PAICS: variants seen among roughly 807,000 people sequenced by gnomAD.
The protein encoded by PAICS is phosphoribosylaminoimidazole carboxylase and phosphoribosylaminoimidazolesuccinocarboxamide synthase, also known as bifunctional phosphoribosylaminoimidazole carboxylase/phosphoribosylaminoimidazole succinocarboxamide synthetase.
PAICS carries 33 observed loss-of-function variants against 53.7 expected under a neutral mutation model. The observed-to-expected ratio is 0.61, with a 90% CI of 0.47 to 0.82. The LOEUF (loss-of-function observed/expected upper bound fraction) is 0.82. PAICS is among the 40% of genes least tolerant of loss of function. The probability of loss-of-function intolerance (pLI) is 0.00; values close to 1 mark genes in which losing one functional copy is unlikely to be tolerated. For missense variants in PAICS, 394 were observed against 494.1 expected, an observed-to-expected ratio of 0.80 and a Z score of 1.92; for synonymous variants, 141 against 167.2, an observed-to-expected ratio of 0.84 and a Z score of 1.21.
chr4:56,417,342 T>C, the PAICS span, among the ~76,000 whole-genome samples: 1 of 151,856 alleles, frequency 6.6e-6, no homozygotes, highest in Non-Finnish European at 1.5e-5. Flanking sequence ...AAATACACCA[T>C]AAAATATCTC....
chr4:56,417,579 G>A, the PAICS span, among the ~76,000 whole-genome samples: 2 of 152,038 alleles, frequency 1.3e-5, no homozygotes, highest in African/African-American at 2.4e-5. Context: ...CCAGGAGTTC[G>A]AGACTAGCCT....
chr4:56,453,286 G>A (rs1578158490), intron 7 of PAICS, among the ~76,000 whole-genome samples: 1 of 151,962 alleles, frequency 6.6e-6, no homozygotes, highest in Non-Finnish European at 1.5e-5. Context: ...CTTCACTTTG[G>A]CCAGCCTATA....
rs1260139281 is a variant in PAICS, at chr4:56,446,677, T to G, written c.215-18T>G. ...TATCATTTCAATACCTTTTTTAACTTTGGTTATCAATATGTAGGTATTAAA... is the reference window on the plus strand; with the variant it reads ...TATCATTTCAATACCTTTTTTAACTGTGGTTATCAATATGTAGGTATTAAA... On this transcript the variant is annotated intron_variant, in intron 2 of 8. Coordinates refer to ENST00000512576, the MANE Select transcript of PAICS (RefSeq NM_001079524.2). 5 of 1,508,096 alleles carry G rather than the reference T, an allele frequency of 3.3e-6. No homozygotes were observed. The Admixed American group carries it at 7.9e-5, about 24-fold the overall frequency. 93.4% of individuals were successfully genotyped at this position (1,508,096 alleles called of 1,614,324 possible).
At chr4:56,446,377 CGTAA>C (rs1560660037) in intron 2 of PAICS, 2 of 717,840 alleles carry the variant, frequency 2.8e-6, no homozygotes, top group Admixed American at 2.0e-5. Flanking sequence ...TAAGTCAAAT[CGTAA>C]GTATTTGTTC....
At chr4:56,452,185 T>C in intron 7 of PAICS, 133 bp downstream of exon 7, 1 of 615,840 alleles carries the variant, frequency 1.6e-6, no homozygotes, top group Non-Finnish European at 2.8e-6. Flanking sequence ...ATACTAGGCT[T>C]TCTTTTTTTT....
chr4:56,448,983 T>C (rs1718762700), intron 5 of PAICS, among the ~76,000 whole-genome samples, 160 bp downstream of exon 5: 1 of 152,184 alleles, frequency 6.6e-6, no homozygotes. Context: ...GGTATCCTAA[T>C]AGAAGAATAA....
the PAICS span, chr4:56,419,976 C>T: frequency 1.3e-4 from 125 of 984,976 alleles, no homozygotes; most frequent in South Asian, 3.4e-3. Flanking sequence ...AGAAAAATCA[C>T]GAGACCAGGA....
the PAICS span, chr4:56,410,692 C>A: frequency 1.0e-6 from 1 of 985,940 alleles, no homozygotes; most frequent in African/African-American, 1.7e-5. Flanking sequence ...GGAAACAGTG[C>A]TGGGCTAAGT....
chr4:56,437,455 A>T (rs1327726428), intron 1 of PAICS, among the ~76,000 whole-genome samples: 1 of 152,126 alleles, frequency 6.6e-6, no homozygotes, highest in Non-Finnish European at 1.5e-5. Flanking sequence ...ATGTATAGTG[A>T]GGCAAATTGC....
chr4:56,419,079 G>A, the PAICS span, among the ~76,000 whole-genome samples: 1 of 152,208 alleles, frequency 6.6e-6, no homozygotes, highest in Non-Finnish European at 1.5e-5. Context: ...CTACACATTA[G>A]ATTCACAGTC....
intron 5 of PAICS, 30 bp downstream of exon 5, chr4:56,448,853 T>G (rs1578154170): frequency 8.5e-7 from 1 of 1,177,632 alleles, no homozygotes; most frequent in South Asian, 1.3e-5. Context: ...TTTTTATCCT[T>G]TTTGAGATCA....
At position 56,451,817 on chromosome 4, in the gene PAICS, C is replaced by T. The variant is rs184184471; in HGVS notation, c.772-55C>T. On this transcript the variant is annotated intron_variant, in intron 6 of 8. Transcript: ENST00000512576. ...TATAATTTTACTACAAACTCTAGCT[C>T]ATTTATTCATTTTTGTTTTTATGTT... 4.7e-4 allele frequency: 518 copies of T among 1,099,374 alleles called. 7 individuals are homozygous for T. The African/African-American group carries it at 7.6e-3, about 16-fold the overall frequency. The allele number at this position is 1,099,374 out of a possible 1,614,324, so 68.1% of individuals were successfully genotyped here. A position where few individuals can be genotyped will look rare whatever the true frequency, so the allele number is the denominator to read the frequency against.
chr4:56,413,908 A>C, the PAICS span, among the ~76,000 whole-genome samples: 15 of 152,158 alleles, frequency 9.9e-5, no homozygotes, highest in Non-Finnish European at 2.2e-4. Flanking sequence ...AAAATAAATA[A>C]ATTAAATAAA....
At chr4:56,459,285 C>A in intron 8 of PAICS, 87 bp from the exon 9 acceptor site, 1 of 786,802 alleles carries the variant, frequency 1.3e-6, no homozygotes, top group Non-Finnish European at 1.9e-6. Flanking sequence ...TGTGGCAGGA[C>A]TGCTCTGAGT....
chr4:56,456,372 G>A (rs1187793310), intron 8 of PAICS, among the ~76,000 whole-genome samples: 2 of 152,162 alleles, frequency 1.3e-5, no homozygotes, highest in Non-Finnish European at 2.9e-5. Context: ...GGTTATGGGC[G>A]TCAGCCACTG....
chr4:56,452,433 C>T (rs1395261667), intron 7 of PAICS, among the ~76,000 whole-genome samples: 1 of 152,166 alleles, frequency 6.6e-6, no homozygotes, highest in Admixed American at 6.5e-5. Context: ...CCTTGGCCTC[C>T]CAAAGTGCTG....
In PAICS at chr4:56,462,309, A is replaced by G. The variant is rs1331271267; in HGVS notation, c.*2771A>G. On this transcript the variant is annotated 3_prime_UTR_variant, in exon 9 of 9. Transcript: ENST00000512576. ...TGAGAATTGCTAGAGCTCTGTGAAC[A>G]AGGATGAGAGTGGAAGACAATATAA... 1 of 152,230 alleles carries G rather than the reference A, an allele frequency of 6.6e-6. No individual in the cohort carries two copies. Among genetic ancestry groups the G allele is most frequent in the Non-Finnish European group, 1.5e-5 (1 of 68,048 alleles). The allele number at this position is 152,230 out of a possible 1,614,324, so 9.4% of individuals were successfully genotyped here.
chr4:56,412,205 C>T, the PAICS span, among the ~76,000 whole-genome samples: 4 of 152,172 alleles, frequency 2.6e-5, no homozygotes, highest in South Asian at 2.1e-4. Context: ...CAAACTCCTT[C>T]GTTTTCACTC....
the PAICS span, among the ~76,000 whole-genome samples, chr4:56,430,529 T>C: frequency 6.6e-6 from 1 of 152,164 alleles, no homozygotes; most frequent in Non-Finnish European, 1.5e-5. Flanking sequence ...TTCCTATTTG[T>C]TGAGCTTCTG....
Sources: gnomAD v4.1 joint callset for allele counts (sites outside exome capture counted in the v4.1 genomes callset) on GRCh38, gnomAD v4.1.1 for gene constraint, MANE v1.5 for transcripts, NCBI Gene and HGNC (gene_info 2026-07-23, HGNC 2026-07-21) for gene names.